The following TPH2 variants were observed in gnomAD, a reference collection of about 807,000 sequenced individuals.
TPH2 encodes tryptophan hydroxylase 2.
A neutral mutation model predicts 59.1 loss-of-function variants in TPH2; 27 were observed. The observed-to-expected ratio is 0.46, with a 90% confidence interval of 0.34 to 0.63. The LOEUF (loss-of-function observed/expected upper bound fraction) is 0.63, where lower values mean the gene tolerates loss of function less well. Ranked by LOEUF, TPH2 falls within the 30% of genes least tolerant of loss-of-function variation. The probability of loss-of-function intolerance (pLI) is 0.01; values close to 1 mark genes in which losing one functional copy is unlikely to be tolerated. For missense variants in TPH2, 523 were observed against 588.3 expected, an observed-to-expected ratio of 0.89 and a Z score of 1.15; for synonymous variants, 220 against 210.5, an observed-to-expected ratio of 1.05 and a Z score of -0.39.
intron 8 of TPH2, among the ~76,000 whole-genome samples, chr12:72,003,095 G>T (rs1398308939): frequency 6.6e-6 from 1 of 152,106 alleles, no homozygotes; most frequent in Non-Finnish European, 1.5e-5. Flanking sequence ...GGTCCCTCTT[G>T]TCTTTGCCTA....
chr12:71,950,800 G>T (rs1566116430), intron 5 of TPH2, among the ~76,000 whole-genome samples: 2 of 152,074 alleles, frequency 1.3e-5, no homozygotes, highest in Middle Eastern at 3.2e-3. Context: ...GTTATAGAGG[G>T]TCTCAGTGTG....
Position 71,994,460 on chromosome 12 carries a change from G to T in TPH2, c.963G>T (p.Leu321Phe). The part of the protein sequence containing the change: ...TPEPDTCHEL[L>F]GHVPLLADPK... Reference sequence around the variant, plus strand: ...TCAGAGACACATGCCATGAACTCTTGGGACATGTTCCACTACTTGCGGATC... The same window carrying T: ...TCAGAGACACATGCCATGAACTCTTTGGACATGTTCCACTACTTGCGGATC... The change falls in exon 8 of 11, where the codon TTG (leucine) becomes TTT (phenylalanine). Residue 321 changes from leucine (L) to phenylalanine (F), a missense_variant. Transcript: ENST00000333850. 6.2e-7 allele frequency: 1 copy of T among 1,613,840 alleles called. No individual in the cohort carries two copies.
At chr12:72,012,448 T>C in intron 8 of TPH2, among the ~76,000 whole-genome samples, 1 of 152,160 alleles carries the variant, frequency 6.6e-6, no homozygotes, top group Admixed American at 6.5e-5. Flanking sequence ...AAGAGCAGGA[T>C]CAGTCTGTGC....
At position 71,972,664 on chromosome 12, in the gene TPH2, T is replaced by C. The variant is rs1566132575; in HGVS notation, c.754T>C (p.Tyr252His). 1 of 1,614,174 alleles carries C rather than the reference T, an allele frequency of 6.2e-7. No individual in the cohort carries two copies. Among genetic ancestry groups the C allele is most frequent in the Non-Finnish European group, 8.5e-7 (1 of 1,180,020 alleles). The change falls in exon 6 of 11, where the codon TAC (tyrosine) becomes CAC (histidine). Residue 252 changes from tyrosine to histidine, a missense_variant. Coordinates refer to ENST00000333850, the MANE Select transcript of TPH2 (RefSeq NM_173353.4). The part of the protein sequence containing the change: ...NFPLLTKYCG[Y>H]REDNVPQLED... ...CCCTCTGCTGACTAAATACTGTGGC[T>C]ACAGAGAGGACAATGTGCCTCAACT... is the stretch of plus-strand genomic sequence containing the variant.
chr12:71,954,021 G>A (rs146870035), intron 5 of TPH2, among the ~76,000 whole-genome samples: 1 of 152,080 alleles, frequency 6.6e-6, no homozygotes, highest in African/African-American at 2.4e-5. Context: ...TGGGGGATTC[G>A]TGTTGAATAC....
At position 72,031,722 on chromosome 12, in the gene TPH2, T is replaced by C; in HGVS notation, c.*27T>C. 2 of 1,612,944 alleles carry C rather than the reference T, an allele frequency of 1.2e-6. No individual in the cohort carries two copies. Among genetic ancestry groups the C allele is most frequent in the Non-Finnish European group, 1.7e-6 (2 of 1,179,086 alleles). On this transcript the variant is annotated 3_prime_UTR_variant, in exon 11 of 11. Coordinates refer to ENST00000333850, the MANE Select transcript of TPH2 (RefSeq NM_173353.4). ...GCCTGGAACTATGTTGTTGCCAGCA[T>C]GATCTTTTTGGGGCTTAGCAGCAGT...
At chr12:72,031,038 T>A (rs1592420297) in intron 9 of TPH2, among the ~76,000 whole-genome samples, 1 of 152,110 alleles carries the variant, frequency 6.6e-6, no homozygotes, top group Non-Finnish European at 1.5e-5. Context: ...TCTCCCACAG[T>A]ACCTAGCATA....
intron 2 of TPH2, among the ~76,000 whole-genome samples, chr12:71,943,434 A>G (rs1871125419): frequency 6.6e-6 from 1 of 152,150 alleles, no homozygotes; most frequent in African/African-American, 2.4e-5. Context: ...CTTAGAGGAA[A>G]TGAAGAACAC....
chr12:71,943,482 A>G (rs151162114), intron 2 of TPH2, among the ~76,000 whole-genome samples: 54 of 152,296 alleles, frequency 3.5e-4, no homozygotes, highest in Middle Eastern at 3.4e-3. Context: ...TTTAAATATT[A>G]AATCACTGCC....
At position 71,971,746 on chromosome 12, in the gene TPH2, G is replaced by A. The variant is rs116520310; in HGVS notation, c.609-773G>A. 1.5e-3 allele frequency among the ~76,000 whole-genome samples: 224 copies of A among 152,160 alleles called. 1 individual carries two copies. The highest frequency in any genetic ancestry group is 5.3e-3 in the African/African-American group (219 of 41,524). ...AGTCACTAGTACACTACTGTTTATG[G>A]GCCAAATAAAGACAATTTTTATTAA... On this transcript the variant is annotated intron_variant, in intron 5 of 10. Coordinates refer to ENST00000333850, the MANE Select transcript of TPH2 (RefSeq NM_173353.4).
intron 5 of TPH2, among the ~76,000 whole-genome samples, chr12:71,961,399 A>G (rs1386493): frequency 0.79 from 119,687 of 152,176 alleles, 47,337 homozygotes; most frequent in East Asian, 0.83. Context: ...AATTTGCACA[A>G]GACCATGAGC....
intron 8 of TPH2, among the ~76,000 whole-genome samples, chr12:72,009,728 G>T (rs943304608): frequency 2.0e-5 from 3 of 152,208 alleles, no homozygotes; most frequent in Admixed American, 6.5e-5. Context: ...GAAGGCACCT[G>T]CCCCAGGGCA....
At chr12:71,996,610 T>C (rs1167117339) in intron 8 of TPH2, among the ~76,000 whole-genome samples, 1 of 152,172 alleles carries the variant, frequency 6.6e-6, no homozygotes, top group Non-Finnish European at 1.5e-5. Flanking sequence ...CGCTCACTTG[T>C]CTGACCTTGA....
At chr12:72,028,700 C>A (rs1873635718) in intron 9 of TPH2, among the ~76,000 whole-genome samples, 1 of 152,162 alleles carries the variant, frequency 6.6e-6, no homozygotes, top group African/African-American at 2.4e-5. Flanking sequence ...TCATTAACAG[C>A]CAAACAGCAA....
rs1305400890 is a variant in TPH2, at chr12:71,950,150, T to C, written c.608+495T>C. 3.3e-5 allele frequency among the ~76,000 whole-genome samples: 5 copies of C among 152,150 alleles called. No individual in the cohort carries two copies. In the East Asian group the frequency reaches 5.8e-4, roughly 18 times the overall value. ...GGGTTATGAAGGAGTTTCACACCCA[T>C]TCCCAGATCAGAGTTGGGATGGAAG... On this transcript the variant is annotated intron_variant, in intron 5 of 10. Transcript: ENST00000333850.
At chr12:72,024,597 A>G (rs1000746864) in intron 9 of TPH2, among the ~76,000 whole-genome samples, 4 of 152,228 alleles carry the variant, frequency 2.6e-5, no homozygotes, top group Non-Finnish European at 4.4e-5. Context: ...TCAGAAAATG[A>G]TGTAGCTCTT....
intron 8 of TPH2, among the ~76,000 whole-genome samples, chr12:72,018,508 C>A (rs145534484): frequency 1.3e-5 from 2 of 152,158 alleles, no homozygotes; most frequent in African/African-American, 4.8e-5. Context: ...TGGTTCAGAT[C>A]ATAAATGTGA....
In TPH2 at chr12:71,980,484, T is replaced by A. The variant is rs570198518; in HGVS notation, c.941+1397T>A. Among the ~76,000 whole-genome samples, 316 of 152,080 alleles carry A rather than the reference T, an allele frequency of 2.1e-3. 3 individuals carry two copies. Among genetic ancestry groups the A allele is most frequent in the African/African-American group, 7.4e-3 (307 of 41,456 alleles). On this transcript the variant is annotated intron_variant, in intron 7 of 10. Transcript: ENST00000333850. ...GCATAAGGCTCACAGTCCAGGTAGG[T>A]CCCTGTCAGGTCACTACATTTTTTT...
chr12:71,991,720 C>T (rs10506645), intron 7 of TPH2, among the ~76,000 whole-genome samples: 38,491 of 152,094 alleles, frequency 0.25, 4,930 homozygotes, highest in East Asian at 0.36. Flanking sequence ...CTTAGAACTA[C>T]TGGACTTGTA....
Sources: allele counts gnomAD v4.1 joint callset (sites outside exome capture counted in the v4.1 genomes callset), GRCh38; gene constraint gnomAD v4.1.1; transcripts MANE v1.5; gene names NCBI Gene and HGNC (gene_info 2026-07-23, HGNC 2026-07-21).